The following PCDH11X variants were observed in gnomAD, a reference collection of about 807,000 sequenced individuals.
PCDH11X encodes protocadherin 11 X-linked, also known as protocadherin-11 X-linked.
A neutral mutation model predicts 53.3 loss-of-function variants in PCDH11X; 18 were observed. The ratio of observed to expected loss-of-function variants is 0.34; its 90% CI spans 0.23 to 0.50. The LOEUF (loss-of-function observed/expected upper bound fraction) is 0.50, where lower values mean the gene tolerates loss of function less well. Among genes scored for constraint, PCDH11X ranks in the 20% least tolerant of loss-of-function variants. The pLI, the probability that PCDH11X is intolerant of heterozygous loss-of-function variation, is 0.98. For missense variants in PCDH11X, 570 were observed against 1,032.4 expected (o/e 0.55, Z 6.14); for synonymous variants, 279 against 393.3 (o/e 0.71, Z 3.44).
intron 8 of PCDH11X, among the ~76,000 whole-genome samples, chrX:92,376,677 C>T (rs2070760616): frequency 8.9e-6 from 1 of 112,024 alleles, no homozygotes. Flanking sequence ...GAGTGCGCTA[C>T]TCTTTCTTTA....
At chrX:91,843,842 T>A (rs1261533719) in intron 5 of PCDH11X, among the ~76,000 whole-genome samples, 1 of 111,774 alleles carries the variant, frequency 8.9e-6, no homozygotes, top group African/African-American at 3.3e-5. Flanking sequence ...CACAATCATT[T>A]TGAGACTGGA....
intron 1 of PCDH11X, among the ~76,000 whole-genome samples, chrX:91,782,181 C>G (rs1181364991): frequency 5.3e-5 from 6 of 112,302 alleles, no homozygotes; most frequent in Admixed American, 1.9e-4. Flanking sequence ...CGCAGCCCCC[C>G]CCTTCCAGTC....
intron 10 of PCDH11X, among the ~76,000 whole-genome samples, chrX:92,541,925 G>T (rs1280848816): frequency 9.1e-6 from 1 of 110,087 alleles, no homozygotes; most frequent in Non-Finnish European, 1.9e-5. Flanking sequence ...CTCCAGCCTG[G>T]GTGACAGAGT....
intron 5 of PCDH11X, among the ~76,000 whole-genome samples, chrX:91,843,049 ACTG>A (rs1488160196): frequency 9.2e-6 from 1 of 108,870 alleles, no homozygotes; most frequent in African/African-American, 3.3e-5. Context: ...GTAACAACTG[ACTG>A]CTAACTAATA....
chrX:92,559,727 C>T (rs2075104976), intron 10 of PCDH11X, among the ~76,000 whole-genome samples: 1 of 110,500 alleles, frequency 9.0e-6, no homozygotes, highest in Non-Finnish European at 1.9e-5. Flanking sequence ...CTGTGCTGGG[C>T]TTAGCCATCC....
At chrX:92,132,572 C>T (rs2065000419) in intron 6 of PCDH11X, among the ~76,000 whole-genome samples, 1 of 101,702 alleles carries the variant, frequency 9.8e-6, no homozygotes, top group Non-Finnish European at 2.0e-5. Context: ...CACGCCACTG[C>T]ACTCCAGCCT....
chrX:92,443,482 T>C (rs1388603301), intron 9 of PCDH11X, among the ~76,000 whole-genome samples: 1 of 111,720 alleles, frequency 9.0e-6, no homozygotes, highest in Non-Finnish European at 1.9e-5. Context: ...TTTTTGTTTT[T>C]CCTCTGCTGA....
At chrX:91,915,962 A>G (rs1046162607) in intron 6 of PCDH11X, among the ~76,000 whole-genome samples, 11 of 110,332 alleles carry the variant, frequency 1.0e-4, no homozygotes, top group Non-Finnish European at 9.5e-5. Context: ...GTCTTAATAA[A>G]TTTAAGAAAA....
At chrX:92,033,055 C>T (rs2063075882) in intron 6 of PCDH11X, among the ~76,000 whole-genome samples, 1 of 107,677 alleles carries the variant, frequency 9.3e-6, no homozygotes, top group Non-Finnish European at 1.9e-5. Context: ...GATCTGCTCA[C>T]CTCAGCCTCC....
intron 5 of PCDH11X, among the ~76,000 whole-genome samples, chrX:91,844,660 A>C (rs994956019): frequency 2.1e-4 from 22 of 105,620 alleles, no homozygotes; most frequent in African/African-American, 7.6e-4. Flanking sequence ...ATTTTTAATT[A>C]TTCTAAATTA....
intron 6 of PCDH11X, among the ~76,000 whole-genome samples, chrX:92,106,390 T>A (rs1230788999): frequency 1.8e-5 from 2 of 111,431 alleles, no homozygotes; most frequent in Non-Finnish European, 3.8e-5. Context: ...TTTTGTTCTT[T>A]TTCATTGTTG....
At chrX:92,554,655 C>A in intron 10 of PCDH11X, among the ~76,000 whole-genome samples, 1 of 109,130 alleles carries the variant, frequency 9.2e-6, no homozygotes. Flanking sequence ...AATATCACCT[C>A]TTTGCTCTGA....
chrX:92,505,283 G>A (rs748202287), intron 10 of PCDH11X, among the ~76,000 whole-genome samples: 4 of 93,986 alleles, frequency 4.3e-5, no homozygotes, highest in African/African-American at 8.1e-5. Flanking sequence ...CAGGGCCTAC[G>A]TCCTGAGTGG....
At chrX:92,332,427 C>A (rs2069513785) in intron 8 of PCDH11X, among the ~76,000 whole-genome samples, 1 of 108,406 alleles carries the variant, frequency 9.2e-6, no homozygotes, top group Admixed American at 9.6e-5. Context: ...CACATGCATG[C>A]CTCTGACATA....
intron 7 of PCDH11X, among the ~76,000 whole-genome samples, chrX:92,222,449 G>GTT (rs1446413790): frequency 1.2e-4 from 13 of 111,499 alleles, no homozygotes; most frequent in African/African-American, 4.2e-4. Flanking sequence ...CTCCCCTGCT[G>GTT]TTGTTTCCTG....
At chrX:92,005,943 G>A (rs1421631739) in intron 6 of PCDH11X, among the ~76,000 whole-genome samples, 1 of 111,780 alleles carries the variant, frequency 8.9e-6, no homozygotes, top group African/African-American at 3.3e-5. Context: ...CCCCTTGCCT[G>A]TAAGGTTTCC....
chrX:91,829,407 A>G (rs766870670), intron 4 of PCDH11X, among the ~76,000 whole-genome samples: 1 of 67,048 alleles, frequency 1.5e-5, no homozygotes, highest in South Asian at 1.2e-3. Flanking sequence ...ACACAAATAT[A>G]TATATTACAC....
At chrX:92,139,033 A>C (rs1317969121) in intron 6 of PCDH11X, among the ~76,000 whole-genome samples, 1 of 107,699 alleles carries the variant, frequency 9.3e-6, no homozygotes, top group Non-Finnish European at 1.9e-5. Context: ...GCTAATTGTT[A>C]ATGGCAATAG....
intron 5 of PCDH11X, among the ~76,000 whole-genome samples, chrX:91,837,336 G>A (rs1220491546): frequency 8.9e-6 from 1 of 111,796 alleles, no homozygotes; most frequent in African/African-American, 3.2e-5. Context: ...TACTGTTGGT[G>A]GGAATGTAAA....
Sources: gnomAD v4.1 joint callset for allele counts (sites outside exome capture counted in the v4.1 genomes callset) on GRCh38, gnomAD v4.1.1 for gene constraint, MANE v1.5 for transcripts, NCBI Gene and HGNC (gene_info 2026-07-23, HGNC 2026-07-21) for gene names.